BPNT2: variants seen among roughly 807,000 people sequenced by gnomAD.
BPNT2 encodes 3'(2'), 5'-bisphosphate nucleotidase 2.
BPNT2 carries 11 observed loss-of-function variants against 29.3 expected under a neutral mutation model. The observed-to-expected ratio is 0.38, with a 90% CI of 0.24 to 0.62. BPNT2 has a LOEUF of 0.62. Ranked by LOEUF, BPNT2 falls within the 20% of genes least tolerant of loss-of-function variation. The probability of loss-of-function intolerance (pLI) is 0.62; values close to 1 mark genes in which losing one functional copy is unlikely to be tolerated. For missense variants in BPNT2, 459 were observed against 473.4 expected (o/e 0.97, Z 0.28); for synonymous variants, 195 against 187.7 (o/e 1.04, Z -0.32).
In BPNT2 at chr8:56,980,072, G is replaced by C. The variant is rs1806214055; in HGVS notation, c.513C>G (p.Val171=). ...PKEVPAESVT[V]WIDPLDATQE... ...GTGTAGCATCAAGTGGGTCAATCCA[G>C]ACAGTAACACTTTCTGCTGGTACCT... The change falls in exon 2 of 5, where the codon GTC becomes GTG. Residue 171 remains valine (V), a synonymous_variant. Transcript: ENST00000262644. 2.5e-6 allele frequency: 4 copies of C among 1,613,824 alleles called. No homozygotes were observed. Among genetic ancestry groups the C allele is most frequent in the African/African-American group, 1.3e-5 (1 of 74,974 alleles).
In BPNT2 at chr8:56,993,709, C is replaced by G. The variant is rs1464699177; in HGVS notation, c.-124G>C. The G allele has an allele frequency of 1.2e-5, 12 of 1,007,068 alleles. No homozygotes were observed. Among genetic ancestry groups the G allele is most frequent in the Non-Finnish European group, 1.4e-5 (12 of 843,114 alleles). 62.4% of individuals were successfully genotyped at this position (1,007,068 alleles called of 1,614,324 possible). ...GCGGGCTACACTGGCGCCCGCTCCCCGGCCCCGGTGCGCCCCATCACTCCC... is the reference window on the plus strand; with the variant it reads ...GCGGGCTACACTGGCGCCCGCTCCCGGGCCCCGGTGCGCCCCATCACTCCC... On this transcript the variant is annotated 5_prime_UTR_variant, in exon 1 of 5. Transcript: ENST00000262644.
chr8:56,969,922 T>C (rs1319201972), intron 3 of BPNT2, among the ~76,000 whole-genome samples: 1 of 152,106 alleles, frequency 6.6e-6, no homozygotes, highest in Non-Finnish European at 1.5e-5. Flanking sequence ...TGAAAATTGG[T>C]AAATAAAGTA....
chr8:56,968,168 A>T (rs1172686287), intron 3 of BPNT2, among the ~76,000 whole-genome samples: 1 of 152,146 alleles, frequency 6.6e-6, no homozygotes, highest in Non-Finnish European at 1.5e-5. Flanking sequence ...CAACTCAGAA[A>T]AGATGGGCAA....
At chr8:56,965,378 T>C (rs1438018674) in intron 4 of BPNT2, among the ~76,000 whole-genome samples, 1 of 152,168 alleles carries the variant, frequency 6.6e-6, no homozygotes, top group Non-Finnish European at 1.5e-5. Context: ...TCCCTTTATG[T>C]GTGCTGAGAA....
chr8:56,981,895 C>T (rs1029804430), intron 1 of BPNT2, among the ~76,000 whole-genome samples: 5 of 152,104 alleles, frequency 3.3e-5, no homozygotes, highest in African/African-American at 1.2e-4. Flanking sequence ...CATGCCTAGA[C>T]CCCACGCTAC....
chr8:56,969,115 G>A (rs1233947865), intron 3 of BPNT2, among the ~76,000 whole-genome samples: 1 of 152,186 alleles, frequency 6.6e-6, no homozygotes, highest in African/African-American at 2.4e-5. Context: ...AGCCTGCAGA[G>A]AAAGTATGGC....
intron 1 of BPNT2, among the ~76,000 whole-genome samples, chr8:56,984,505 C>G (rs935847485): frequency 6.6e-6 from 1 of 152,204 alleles, no homozygotes; most frequent in Non-Finnish European, 1.5e-5. Context: ...GTCATCATGT[C>G]TACCAAGAAA....
intron 2 of BPNT2, among the ~76,000 whole-genome samples, chr8:56,979,125 G>GC (rs1432746940): frequency 6.6e-6 from 1 of 152,092 alleles, no homozygotes; most frequent in Non-Finnish European, 1.5e-5. Context: ...GGTTCTACAG[G>GC]CATTACCTGG....
In BPNT2 at chr8:56,959,726, C is replaced by T. The variant is rs1372439923; in HGVS notation, c.*4067G>A. 2.0e-5 allele frequency: 3 copies of T among 152,096 alleles called. No homozygotes were observed. The highest frequency in any genetic ancestry group is 4.4e-5 in the Non-Finnish European group (3 of 67,998). The allele number at this position is 152,096 out of a possible 1,614,324, so 9.4% of individuals were successfully genotyped here. On this transcript the variant is annotated 3_prime_UTR_variant, in exon 5 of 5. Transcript: ENST00000262644. ...GATGCCAGTTCTTATAAAAAACATACTTTAGTTGTAAATGCTAGGTTATGC... is the reference window on the plus strand; with the variant it reads ...GATGCCAGTTCTTATAAAAAACATATTTTAGTTGTAAATGCTAGGTTATGC...
At chr8:56,989,377 A>C (rs936908881) in intron 1 of BPNT2, among the ~76,000 whole-genome samples, 2 of 151,964 alleles carry the variant, frequency 1.3e-5, no homozygotes, top group Non-Finnish European at 2.9e-5. Context: ...ATCTTTAAAA[A>C]AAAAAAAAAA....
At chr8:56,965,455 T>C (rs778732699) in intron 4 of BPNT2, among the ~76,000 whole-genome samples, 6 of 152,234 alleles carry the variant, frequency 3.9e-5, no homozygotes, top group Non-Finnish European at 7.3e-5. Flanking sequence ...ATTTCTGACA[T>C]GTTAGACAGT....
chr8:56,966,152 G>C, intron 4 of BPNT2, 39 bp downstream of exon 4: 1 of 1,608,872 alleles, frequency 6.2e-7, no homozygotes, highest in Non-Finnish European at 8.5e-7. Flanking sequence ...GACCATGCCA[G>C]GAACATTCTC....
intron 3 of BPNT2, among the ~76,000 whole-genome samples, chr8:56,969,310 T>G (rs768187881): frequency 6.6e-6 from 1 of 152,232 alleles, no homozygotes; most frequent in African/African-American, 2.4e-5. Flanking sequence ...GTTGTTAGCA[T>G]GTACTCAGGG....
rs1805793840 is a variant in BPNT2 at position 56,959,590 on chromosome 8, G to A, written c.*4203C>T. On this transcript the variant is annotated 3_prime_UTR_variant, in exon 5 of 5. Coordinates refer to ENST00000262644, the MANE Select transcript of BPNT2 (RefSeq NM_017813.5). ...GACTGTAGAGGACTAACAGCACACT[G>A]AAATAATTTATTTAAAACTAAGATT... The A allele has an allele frequency of 6.6e-6, 1 of 152,110 alleles. No homozygotes were observed. Among genetic ancestry groups the A allele is most frequent in the Admixed American group, 6.5e-5 (1 of 15,278 alleles). 9.4% of individuals were successfully genotyped at this position (152,110 alleles called of 1,614,324 possible). A position where few individuals can be genotyped will look rare whatever the true frequency, so the allele number is the denominator to read the frequency against.
intron 1 of BPNT2, among the ~76,000 whole-genome samples, chr8:56,980,833 C>T (rs894404783): frequency 1.3e-5 from 2 of 150,526 alleles, no homozygotes; most frequent in South Asian, 2.1e-4. Flanking sequence ...CACACACACA[C>T]ACACACACAC....
In BPNT2 at chr8:56,986,769, A is replaced by G. The variant is rs143433634; in HGVS notation, c.387+6430T>C. Among the ~76,000 whole-genome samples, 3 of 152,342 alleles carry G rather than the reference A, an allele frequency of 2.0e-5. No individual in the cohort carries two copies. In the East Asian group the frequency reaches 5.8e-4, roughly 29 times the overall value. ...AAGTGTTAAATATCTCATGTAATTT[A>G]TTGACTGCTCTATTAAAACTGGAAA... On this transcript the variant is annotated intron_variant, in intron 1 of 4. Transcript: ENST00000262644.
At position 56,966,213 on chromosome 8, in the gene BPNT2, T is replaced by C. The variant is rs779203182; in HGVS notation, c.786A>G (p.Thr262=). The change falls in exon 4 of 5, where the codon ACA becomes ACG. Residue 262 remains threonine (T), a synonymous_variant. Coordinates refer to ENST00000262644, the MANE Select transcript of BPNT2 (RefSeq NM_017813.5). ...VALQTFGNQT[T]IIPAGGAGYK... ...TACCAGCACCACCAGCTGGGATAAT[T>C]GTAGTCTGGTTTCCAAAAGTCTGAA... 1.9e-6 allele frequency: 3 copies of C among 1,614,178 alleles called. No homozygotes were observed. Among genetic ancestry groups the C allele is most frequent in the Non-Finnish European group, 2.5e-6 (3 of 1,180,032 alleles).
At chr8:56,979,441 C>T (rs985262052) in intron 2 of BPNT2, among the ~76,000 whole-genome samples, 2 of 152,088 alleles carry the variant, frequency 1.3e-5, no homozygotes, top group Non-Finnish European at 2.9e-5. Flanking sequence ...ATTTTAGTTA[C>T]TATTAGATAT....
Position 56,961,972 on chromosome 8 carries a change from TAAAAAC to T in BPNT2, c.*1815_*1820del, listed in dbSNP as rs1805845591. On this transcript the variant is annotated 3_prime_UTR_variant, in exon 5 of 5. Transcript: ENST00000262644. Reference sequence around the variant, plus strand: ...TTTCCCTAACTTTGACATACTATAATAAAAACAGATGCTTATACCACAGGACTCTGG... The same window carrying T: ...TTTCCCTAACTTTGACATACTATAATAGATGCTTATACCACAGGACTCTGG... 2 of 152,158 alleles carry T rather than the reference TAAAAAC, an allele frequency of 1.3e-5. 1 individual carries two copies. Among genetic ancestry groups the T allele is most frequent in the South Asian group, 4.1e-4 (2 of 4,828 alleles). 9.4% of individuals were successfully genotyped at this position (152,158 alleles called of 1,614,324 possible). A position where few individuals can be genotyped will look rare whatever the true frequency, so the allele number is the denominator to read the frequency against.
Sources: allele counts gnomAD v4.1 joint callset (sites outside exome capture counted in the v4.1 genomes callset), GRCh38; gene constraint gnomAD v4.1.1; transcripts MANE v1.5; gene names NCBI Gene and HGNC (gene_info 2026-07-23, HGNC 2026-07-21).